The following BUB3 variants were observed in gnomAD, a reference collection of about 807,000 sequenced individuals.
The protein encoded by BUB3 is mitotic checkpoint protein BUB3.
BUB3 carries 22 observed loss-of-function variants against 39.9 expected under a neutral mutation model. The observed-to-expected ratio is 0.55, with a 90% CI of 0.39 to 0.79. The LOEUF (loss-of-function observed/expected upper bound fraction) is 0.79, where lower values mean the gene tolerates loss of function less well. Among genes scored for constraint, BUB3 ranks in the 30% least tolerant of loss-of-function variants. The pLI is 0.00. For missense variants in BUB3, 303 were observed against 415.4 expected (o/e 0.73, Z 2.35); for synonymous variants, 168 against 155.1 (o/e 1.08, Z -0.62).
chr10:123,156,252 C>T lies in BUB3; in HGVS notation c.265+525C>T, dbSNP rs550189097. On this transcript the variant is annotated intron_variant, in intron 3 of 7. Coordinates refer to ENST00000368865, the MANE Select transcript of BUB3 (RefSeq NM_004725.4). ...ACATTTCCTTTCGGTTAAGTAATTT[C>T]TTAGAGATCCAGATATGAAATGACT... Among the ~76,000 whole-genome samples the T allele has an allele frequency of 2.6e-5, 4 of 152,290 alleles. No homozygotes were observed. The East Asian group carries it at 7.7e-4, about 29-fold the overall frequency.
Position 123,164,049 on chromosome 10 carries a change from G to A in BUB3, c.*214G>A. On this transcript the variant is annotated 3_prime_UTR_variant, in exon 8 of 8. Transcript: ENST00000368865. ...GGTTTGATGGTTTGCTGCATTAAAG[G>A]TATTTGGGCAAACAAAATTGGAGGG... 8.1e-7 allele frequency: 1 copy of A among 1,232,630 alleles called. No individual in the cohort carries two copies. Among genetic ancestry groups the A allele is most frequent in the Non-Finnish European group, 1.0e-6 (1 of 985,506 alleles). 76.4% of individuals were successfully genotyped at this position (1,232,630 alleles called of 1,614,324 possible).
intron 3 of BUB3, among the ~76,000 whole-genome samples, chr10:123,157,092 A>G (rs1170193124): frequency 6.6e-6 from 1 of 152,192 alleles, no homozygotes; most frequent in Non-Finnish European, 1.5e-5. Flanking sequence ...ATTCTGGTAC[A>G]TAGTAGATGT....
chr10:123,155,778 G>A, intron 3 of BUB3, 51 bp downstream of exon 3: 2 of 1,552,742 alleles, frequency 1.3e-6, no homozygotes, highest in South Asian at 1.1e-5. Context: ...GTGTTCTTAA[G>A]TATAAATGTT....
At position 123,164,496 on chromosome 10, in the gene BUB3, C is replaced by T; in HGVS notation, c.*661C>T. On this transcript the variant is annotated 3_prime_UTR_variant, in exon 8 of 8. Coordinates refer to ENST00000368865, the MANE Select transcript of BUB3 (RefSeq NM_004725.4). ...CTGTAAACAATTATTTATTAGCAAA[C>T]AATTGATCCCAGAAGGGCAAATTGT... 1.0e-6 allele frequency: 1 copy of T among 985,624 alleles called. No individual in the cohort carries two copies. Among genetic ancestry groups the T allele is most frequent in the African/African-American group, 1.7e-5 (1 of 57,360 alleles). The allele number at this position is 985,624 out of a possible 1,614,324, so 61.1% of individuals were successfully genotyped here.
At chr10:123,159,913 A>G (rs1844399092) in intron 4 of BUB3, among the ~76,000 whole-genome samples, 1 of 152,200 alleles carries the variant, frequency 6.6e-6, no homozygotes, top group South Asian at 2.1e-4. Context: ...GGGAAAAAAA[A>G]TCAAGATTTT....
chr10:123,160,070 CTT>C (rs908960965), intron 4 of BUB3, among the ~76,000 whole-genome samples: 27 of 151,856 alleles, frequency 1.8e-4, no homozygotes, highest in African/African-American at 5.3e-4. Flanking sequence ...TTTTTTTACA[CTT>C]TTATGTTGTC....
Position 123,160,528 on chromosome 10 carries a change from A to G in BUB3, c.539A>G (p.Tyr180Cys), listed in dbSNP as rs760349560. 1 of 1,611,610 alleles carries G rather than the reference A, an allele frequency of 6.2e-7. No homozygotes were observed. The highest frequency in any genetic ancestry group is 8.5e-7 in the Non-Finnish European group (1 of 1,179,330). ...VQQRRESSLK[Y>C]QTRCIRAFPN... ...CAGCGCAGGGAGTCCAGCCTGAAATACCAGACTCGCTGCATACGAGCGTTT... is the reference window on the plus strand; with the variant it reads ...CAGCGCAGGGAGTCCAGCCTGAAATGCCAGACTCGCTGCATACGAGCGTTT... Residue 180 changes from tyrosine to cysteine, a missense_variant, in exon 5 of 8, where the codon TAC (tyrosine) becomes TGC (cysteine). Tyr to Cys is a radical substitution (Grantham distance 194, BLOSUM62 -2). This residue lies in a region of BUB3 where 182 missense variants were observed against 293.1 expected (regional missense o/e 0.62). Transcript: ENST00000368865.
At position 123,162,224 on chromosome 10, in the gene BUB3, C is replaced by T. The variant is rs540001556; in HGVS notation, c.577-12C>T. 105 of 1,591,474 alleles carry T rather than the reference C, an allele frequency of 6.6e-5. No individual in the cohort carries two copies. The highest frequency in any genetic ancestry group is 8.0e-5 in the Non-Finnish European group (94 of 1,170,946). On this transcript the variant is annotated splice_polypyrimidine_tract_variant and intron_variant, in intron 5 of 7. Transcript: ENST00000368865. ...AATTTACCATTTTTTTCCTCTGGTT[C>T]TCTCTTGGCAGGGTTATGTATTAAG...
chr10:123,154,957 G>A lies in BUB3; in HGVS notation c.40G>A (p.Glu14Lys), dbSNP rs1248622589. Reference sequence around the variant, plus strand: ...CGAGTTCAAGCTGAACCAGCCACCCGAGGATGGCATCTCCTCCGTGAAGTT... The same window carrying A: ...CGAGTTCAAGCTGAACCAGCCACCCAAGGATGGCATCTCCTCCGTGAAGTT... ...SNEFKLNQPP[E>K]DGISSVKFSP... The change falls in exon 2 of 8, where the codon GAG becomes AAG. Residue 14 changes from glutamate to lysine, a missense_variant. Glu to Lys is a moderately conservative substitution (Grantham distance 56). Coordinates refer to ENST00000368865, the MANE Select transcript of BUB3 (RefSeq NM_004725.4). 12 of 1,614,120 alleles carry A rather than the reference G, an allele frequency of 7.4e-6. No individual in the cohort carries two copies. Among genetic ancestry groups the A allele is most frequent in the Non-Finnish European group, 1.0e-5 (12 of 1,180,014 alleles).
At chr10:123,162,448 T>C in intron 6 of BUB3, 35 bp downstream of exon 6, 1 of 1,600,642 alleles carries the variant, frequency 6.2e-7, no homozygotes. Flanking sequence ...ATTTAATTAT[T>C]ATACTATTTG....
chr10:123,162,213 T>C (rs1385408101), intron 5 of BUB3, 23 bp from the exon 6 acceptor site: 1 of 1,586,708 alleles, frequency 6.3e-7, no homozygotes, highest in South Asian at 1.1e-5. Context: ...TACCATTTTT[T>C]TCCTCTGGTT....
Position 123,168,953 on chromosome 10 carries a change from G to A in BUB3, c.*5118G>A, listed in dbSNP as rs1844521914. The A allele has an allele frequency of 6.6e-6, 1 of 152,228 alleles. No homozygotes were observed. The highest frequency in any genetic ancestry group is 2.1e-4 in the South Asian group (1 of 4,824). 9.4% of individuals were successfully genotyped at this position (152,228 alleles called of 1,614,324 possible). The stretch of plus-strand genomic sequence containing the variant: ...GTGGACCAGGAAAGCCAAAAGATTG[G>A]ACACCCCTGCCCTAGAGCATCTGAC... On this transcript the variant is annotated 3_prime_UTR_variant, in exon 8 of 8. Transcript: ENST00000368865.
intron 7 of BUB3, 160 bp downstream of exon 7, chr10:123,162,988 C>T (rs890925110): frequency 1.4e-6 from 1 of 700,324 alleles, no homozygotes; most frequent in African/African-American, 1.8e-5. Flanking sequence ...CTTTCAATAT[C>T]CGTAGGTTGA....
At chr10:123,154,797 G>T (rs1229195145) in intron 1 of BUB3, 121 bp from the exon 2 acceptor site, 4 of 1,082,420 alleles carry the variant, frequency 3.7e-6, no homozygotes, top group African/African-American at 1.6e-5. Flanking sequence ...AGGCGCAAGC[G>T]CAGAGTCTCC....
intron 4 of BUB3, 125 bp downstream of exon 4, chr10:123,158,005 A>C: frequency 9.2e-7 from 1 of 1,086,690 alleles, no homozygotes; most frequent in Non-Finnish European, 1.2e-6. Context: ...AAAAAGGTTG[A>C]CAGTTGGTTT....
rs1243992008 is a variant in BUB3, at chr10:123,169,086, A to C, written c.*5251A>C. 2 of 152,278 alleles carry C rather than the reference A, an allele frequency of 1.3e-5. No individual in the cohort carries two copies. Among genetic ancestry groups the C allele is most frequent in the African/African-American group, 4.8e-5 (2 of 41,458 alleles). The allele number at this position is 152,278 out of a possible 1,614,324, so 9.4% of individuals were successfully genotyped here. ...CTTCAAATTTGCACCCCCAGGTATC[A>C]TGTGGGCAGGTGCTCCATGTGGCTG... On this transcript the variant is annotated 3_prime_UTR_variant, in exon 8 of 8. Transcript: ENST00000368865.
At chr10:123,156,346 C>G (rs929759874) in intron 3 of BUB3, among the ~76,000 whole-genome samples, 6 of 152,180 alleles carry the variant, frequency 3.9e-5, no homozygotes, top group African/African-American at 1.4e-4. Flanking sequence ...GCATAGAGCT[C>G]TCTAGCTGAA....
rs745790273 is a variant in BUB3 at position 123,155,005 on chromosome 10, C to T, written c.88C>T (p.Leu30=). 5 of 1,614,210 alleles carry T rather than the reference C, an allele frequency of 3.1e-6. No homozygotes were observed. The African/African-American group carries it at 4.0e-5, about 13-fold the overall frequency. The part of the protein sequence containing the change: ...VKFSPNTSQF[L]LVSSWDTSVR... ...GTTCAGCCCCAACACCTCCCAGTTC[C>T]TGCTTGTCTCCTCCTGGGACACGTC... Residue 30 remains leucine, a synonymous_variant, in exon 2 of 8, where the codon CTG becomes TTG. Transcript: ENST00000368865.
At chr10:123,157,583 G>T in intron 3 of BUB3, 146 bp from the exon 4 acceptor site, 4 of 861,198 alleles carry the variant, frequency 4.6e-6, no homozygotes, top group East Asian at 2.8e-5. Context: ...AGATTTTTCT[G>T]TCTGTAGTAG....
Sources: gnomAD v4.1 joint callset for allele counts (sites outside exome capture counted in the v4.1 genomes callset) on GRCh38, gnomAD v4.1.1 for gene constraint, gnomAD v4.1.1 regional missense constraint, MANE v1.5 for transcripts, NCBI Gene and HGNC (gene_info 2026-07-23, HGNC 2026-07-21) for gene names.